Variants in ADAMTS12 observed in about 807,000 individuals in gnomAD.
ADAMTS12 encodes A disintegrin and metalloproteinase with thrombospondin motifs 12.
A neutral mutation model predicts 167.8 loss-of-function variants in ADAMTS12; 118 were observed. The observed-to-expected ratio is 0.70, with a 90% CI of 0.61 to 0.82. The LOEUF (loss-of-function observed/expected upper bound fraction) is 0.82. ADAMTS12 is among the 40% of genes least tolerant of loss of function. The pLI, the probability that ADAMTS12 is intolerant of heterozygous loss-of-function variation, is 0.00. For synonymous variants in ADAMTS12, 704 were observed against 716.9 expected (o/e 0.98, Z 0.29); for missense variants, 1,916 against 1,998.8 (o/e 0.96, Z 0.79).
At chr5:33,854,408 C>T (rs1337822282) in intron 2 of ADAMTS12, among the ~76,000 whole-genome samples, 1 of 151,536 alleles carries the variant, frequency 6.6e-6, no homozygotes, top group Non-Finnish European at 1.5e-5. Flanking sequence ...AGATAAACAC[C>T]AGAAGGGAGT....
chr5:33,612,303 C>T (rs551207745), intron 16 of ADAMTS12, among the ~76,000 whole-genome samples: 1 of 152,338 alleles, frequency 6.6e-6, no homozygotes, highest in East Asian at 1.9e-4. Flanking sequence ...TAGGCTGTAA[C>T]AAAACCAAAT....
intron 2 of ADAMTS12, among the ~76,000 whole-genome samples, chr5:33,834,919 A>G (rs1421162896): frequency 6.6e-6 from 1 of 152,206 alleles, no homozygotes; most frequent in African/African-American, 2.4e-5. Flanking sequence ...AGAATGGTGG[A>G]GTCCCAATGG....
intron 8 of ADAMTS12, 22 bp downstream of exon 8, chr5:33,649,532 G>C (rs4242082): frequency 6.2e-7 from 1 of 1,610,552 alleles, no homozygotes. Flanking sequence ...AGGTGAGGGC[G>C]TCATGAGACA....
intron 3 of ADAMTS12, among the ~76,000 whole-genome samples, chr5:33,720,282 A>T (rs969507131): frequency 1.8e-5 from 2 of 110,526 alleles, no homozygotes; most frequent in African/African-American, 7.0e-5. Flanking sequence ...TCTCTCTCTC[A>T]CTCACACACA....
At chr5:33,529,741 G>C (rs146414352) in intron 23 of ADAMTS12, among the ~76,000 whole-genome samples, 2 of 152,224 alleles carry the variant, frequency 1.3e-5, no homozygotes, top group African/African-American at 2.4e-5. Context: ...CCAGAGTCCT[G>C]TTTGGTGCTG....
intron 2 of ADAMTS12, among the ~76,000 whole-genome samples, chr5:33,773,029 A>G (rs967092557): frequency 1.3e-5 from 2 of 152,250 alleles, no homozygotes; most frequent in African/African-American, 4.8e-5. Flanking sequence ...TCTTTTAGAC[A>G]GCTGCAAATA....
At chr5:33,861,233 T>C (rs1224287945) in intron 2 of ADAMTS12, among the ~76,000 whole-genome samples, 1 of 152,180 alleles carries the variant, frequency 6.6e-6, no homozygotes, top group African/African-American at 2.4e-5. Context: ...ATACACAGAC[T>C]GGCAAATTGG....
intron 6 of ADAMTS12, among the ~76,000 whole-genome samples, 170 bp downstream of exon 6, chr5:33,661,746 T>TA (rs1741267772): frequency 6.6e-6 from 1 of 152,214 alleles, no homozygotes; most frequent in Non-Finnish European, 1.5e-5. Context: ...TTTGTTAAAC[T>TA]GTTTCCTCTA....
At chr5:33,859,806 A>G (rs1290007394) in intron 2 of ADAMTS12, among the ~76,000 whole-genome samples, 1 of 152,174 alleles carries the variant, frequency 6.6e-6, no homozygotes, top group Admixed American at 6.5e-5. Context: ...AAGCTTCCAG[A>G]GGAAGGAACA....
At chr5:33,774,705 T>C (rs1328128008) in intron 2 of ADAMTS12, among the ~76,000 whole-genome samples, 5 of 152,210 alleles carry the variant, frequency 3.3e-5, no homozygotes, top group Admixed American at 1.3e-4. Flanking sequence ...AAAGTTAATA[T>C]TTATTGCTTT....
chr5:33,633,862 C>T (rs1740072858), intron 12 of ADAMTS12, among the ~76,000 whole-genome samples: 1 of 152,114 alleles, frequency 6.6e-6, no homozygotes, highest in Admixed American at 6.6e-5. Flanking sequence ...TGCCCTGACA[C>T]ATCCTTTTTT....
intron 2 of ADAMTS12, among the ~76,000 whole-genome samples, chr5:33,798,896 A>C (rs1413807101): frequency 6.6e-6 from 1 of 152,186 alleles, no homozygotes; most frequent in Admixed American, 6.5e-5. Flanking sequence ...AGTCTATAAC[A>C]GATAGCATCA....
At chr5:33,723,143 T>G (rs79446929) in intron 3 of ADAMTS12, among the ~76,000 whole-genome samples, 3,003 of 152,272 alleles carry the variant, frequency 0.02, 99 homozygotes, top group African/African-American at 0.069. Flanking sequence ...CTTGCTCTCC[T>G]CCTATGCCCT....
Position 33,807,639 on chromosome 5 carries a change from A to C in ADAMTS12, c.490-56091T>G, listed in dbSNP as rs1040094673. On this transcript the variant is annotated intron_variant, in intron 2 of 23. Transcript: ENST00000504830. ...GCTTGATTGTTGACTTTTCAGATTT[A>C]AATTTAATGCAGTCATAAAAATGAA... Among the ~76,000 whole-genome samples, 5 of 152,352 alleles carry C rather than the reference A, an allele frequency of 3.3e-5. No homozygotes were observed. The South Asian group carries it at 1.0e-3, about 32-fold the overall frequency.
chr5:33,764,427 T>G (rs1451102839), intron 2 of ADAMTS12, among the ~76,000 whole-genome samples: 2 of 152,194 alleles, frequency 1.3e-5, no homozygotes, highest in African/African-American at 2.4e-5. Flanking sequence ...CTTTCAACCA[T>G]TTGACATTTC....
intron 2 of ADAMTS12, among the ~76,000 whole-genome samples, chr5:33,800,987 G>A (rs79867934): frequency 0.015 from 2,244 of 152,218 alleles, 66 homozygotes; most frequent in African/African-American, 0.052. Context: ...GCTTATGAGA[G>A]GAATGCAGAA....
At chr5:33,633,854 C>T (rs1023189010) in intron 12 of ADAMTS12, among the ~76,000 whole-genome samples, 1 of 152,122 alleles carries the variant, frequency 6.6e-6, no homozygotes, top group South Asian at 2.1e-4. Context: ...TACTCCCCTG[C>T]CCTGACACAT....
At chr5:33,738,059 G>C (rs1210456268) in intron 3 of ADAMTS12, among the ~76,000 whole-genome samples, 2 of 152,136 alleles carry the variant, frequency 1.3e-5, no homozygotes, top group African/African-American at 4.8e-5. Flanking sequence ...GCACAGACAG[G>C]CTCACCCAAC....
chr5:33,624,417 A>T, intron 13 of ADAMTS12, 66 bp from the exon 14 acceptor site: 2 of 1,602,002 alleles, frequency 1.2e-6, no homozygotes, highest in Admixed American at 3.4e-5. Context: ...TGGATCTGTG[A>T]CTTCTTCTTT....
Sources: allele counts gnomAD v4.1 joint callset (sites outside exome capture counted in the v4.1 genomes callset), GRCh38; gene constraint gnomAD v4.1.1; transcripts MANE v1.5; gene names NCBI Gene and HGNC (gene_info 2026-07-23, HGNC 2026-07-21).